The following DPF3 variants were observed in gnomAD, a reference collection of about 807,000 sequenced individuals.
DPF3 encodes zinc finger protein DPF3.
Under a neutral mutation model 56.8 loss-of-function variants are expected in DPF3, and 18 were observed. The observed-to-expected ratio is 0.32, with a 90% confidence interval of 0.22 to 0.47. The LOEUF is 0.47. Among genes scored for constraint, DPF3 ranks in the 20% least tolerant of loss-of-function variants. DPF3 has a pLI of 1.00. For synonymous variants in DPF3, 188 were observed against 180.2 expected (o/e 1.04, Z -0.35); for missense variants, 403 against 488.8 (o/e 0.82, Z 1.65).
At chr14:72,619,428 C>T (rs561638552) in intron 10 of DPF3, 61 bp from the exon 11 acceptor site, 236 of 1,499,672 alleles carry the variant, frequency 1.6e-4, no homozygotes, top group Non-Finnish European at 2.1e-4. Context: ...CCCCACCCCA[C>T]TGGCCCTAAC....
chr14:72,734,683 A>G (rs1337684221), intron 3 of DPF3, among the ~76,000 whole-genome samples: 1 of 152,148 alleles, frequency 6.6e-6, no homozygotes. Context: ...TAATTCAATC[A>G]TCTCATTTTG....
intron 1 of DPF3, among the ~76,000 whole-genome samples, chr14:72,779,880 G>A (rs1891898527): frequency 6.6e-6 from 1 of 152,194 alleles, no homozygotes; most frequent in Non-Finnish European, 1.5e-5. Context: ...TCTGTCCCAG[G>A]ACAGAAGGCC....
At chr14:72,808,652 C>T (rs994974738) in intron 1 of DPF3, among the ~76,000 whole-genome samples, 2 of 152,168 alleles carry the variant, frequency 1.3e-5, no homozygotes, top group African/African-American at 4.8e-5. Flanking sequence ...GAAATCCAGG[C>T]CAACATTTTC....
chr14:72,824,053 G>A (rs1036403338), intron 1 of DPF3, among the ~76,000 whole-genome samples: 6 of 152,166 alleles, frequency 3.9e-5, no homozygotes, highest in Non-Finnish European at 8.8e-5. Flanking sequence ...AGTGTGAGGA[G>A]AGGCAAAGAA....
chr14:72,639,524 T>C (rs1047470799), intron 8 of DPF3, among the ~76,000 whole-genome samples: 1 of 152,208 alleles, frequency 6.6e-6, no homozygotes, highest in Non-Finnish European at 1.5e-5. Context: ...TCTCACTTAC[T>C]TGCTCTAAGG....
Position 72,753,358 on chromosome 14 carries a change from G to GC in DPF3, c.206dup (p.Gln70ProfsTer20). 6.2e-7 allele frequency: 1 copy of GC among 1,611,834 alleles called. No individual in the cohort carries two copies. Among genetic ancestry groups the GC allele is most frequent in the African/African-American group, 1.3e-5 (1 of 75,008 alleles). On this transcript the variant is annotated frameshift_variant, in exon 3 of 11. Coordinates refer to ENST00000556509, the MANE Select transcript of DPF3 (RefSeq NM_001280542.3). LOFTEE classifies it high-confidence loss of function. ...AGCGGGCAGGGTATGTATACAGCTG[G>GC]CCCGGGGCAAGGCCTGTGGACAGAG...
intron 3 of DPF3, among the ~76,000 whole-genome samples, chr14:72,735,513 G>A (rs182002787): frequency 6.6e-6 from 1 of 152,260 alleles, no homozygotes; most frequent in African/African-American, 2.4e-5. Flanking sequence ...AGAACCAAAT[G>A]GGAAAAGTGA....
rs569708854 is a variant in DPF3, at chr14:72,731,672, A to G, written c.429+135T>C. 1.2e-3 allele frequency: 1,553 copies of G among 1,246,370 alleles called. 3 individuals carry two copies. Among genetic ancestry groups the G allele is most frequent in the Non-Finnish European group, 1.6e-3 (1,475 of 906,836 alleles). 77.2% of individuals were successfully genotyped at this position (1,246,370 alleles called of 1,614,324 possible). On this transcript the variant is annotated intron_variant, in intron 4 of 10. Coordinates refer to ENST00000556509, the MANE Select transcript of DPF3 (RefSeq NM_001280542.3). ...AAAAGAATTTGGGAGCTTCCTGGCC[A>G]CCATAGAAACAAGGCAGTCTGAGAC... is the stretch of plus-strand genomic sequence containing the variant.
At chr14:72,661,930 A>T (rs1886234610) in intron 8 of DPF3, 2 of 973,302 alleles carry the variant, frequency 2.1e-6, no homozygotes, top group Non-Finnish European at 2.4e-6. Flanking sequence ...ACTTGAGGGG[A>T]TATATTCCAT....
intron 7 of DPF3, among the ~76,000 whole-genome samples, chr14:72,683,490 C>T (rs1413360176): frequency 2.6e-5 from 4 of 151,770 alleles, no homozygotes; most frequent in Admixed American, 2.6e-4. Context: ...ACAGTCATGT[C>T]ACCCGGAAGT....
At chr14:72,800,132 T>A (rs1457525626) in intron 1 of DPF3, among the ~76,000 whole-genome samples, 1 of 152,144 alleles carries the variant, frequency 6.6e-6, no homozygotes, top group African/African-American at 2.4e-5. Flanking sequence ...AGGGGCCCCA[T>A]CCAAATACCT....
intron 1 of DPF3, among the ~76,000 whole-genome samples, chr14:72,873,515 C>T (rs1275755965): frequency 6.6e-6 from 1 of 152,152 alleles, no homozygotes; most frequent in African/African-American, 2.4e-5. Context: ...GTCAGTGTGG[C>T]GATTCCTCAG....
intron 1 of DPF3, among the ~76,000 whole-genome samples, chr14:72,861,255 G>A (rs1885395112): frequency 6.6e-6 from 1 of 152,038 alleles, no homozygotes; most frequent in Non-Finnish European, 1.5e-5. Context: ...CTATGATTAT[G>A]TAAGCTCTAT....
intron 3 of DPF3, among the ~76,000 whole-genome samples, chr14:72,737,630 C>T (rs1169602704): frequency 1.3e-5 from 2 of 152,206 alleles, no homozygotes; most frequent in African/African-American, 4.8e-5. Context: ...GACAGTTCTT[C>T]TTTGGGGAAA....
chr14:72,712,745 T>C (rs1280281531), intron 6 of DPF3, among the ~76,000 whole-genome samples: 1 of 152,172 alleles, frequency 6.6e-6, no homozygotes, highest in Non-Finnish European at 1.5e-5. Context: ...CATGGGCCTG[T>C]AGTCCTAGCT....
At chr14:72,770,818 G>A (rs960223045) in intron 2 of DPF3, among the ~76,000 whole-genome samples, 4 of 152,178 alleles carry the variant, frequency 2.6e-5, no homozygotes, top group Admixed American at 2.6e-4. Flanking sequence ...CTAATAAAAA[G>A]GTCTTTATTC....
In DPF3 at chr14:72,671,295, G is replaced by A. The variant is rs761407242; in HGVS notation, c.871+2945C>T. On this transcript the variant is annotated intron_variant, in intron 8 of 10. Transcript: ENST00000556509. ...ATAAGTCCTCCGTGGTACGTGCTGCGGCCGCTGCCTCCTTCTCCTTCCTGC... is the reference window on the plus strand; with the variant it reads ...ATAAGTCCTCCGTGGTACGTGCTGCAGCCGCTGCCTCCTTCTCCTTCCTGC... The A allele has an allele frequency of 1.6e-5, 26 of 1,613,812 alleles. No homozygotes were observed. The Admixed American group carries it at 2.0e-4, about 12-fold the overall frequency.
chr14:72,619,807 C>G lies in DPF3; in HGVS notation c.1066+96G>C, dbSNP rs1884311392. The G allele has an allele frequency of 9.6e-6, 11 of 1,146,906 alleles. No individual in the cohort carries two copies. In the East Asian group the frequency reaches 2.7e-4, roughly 28 times the overall value. 71.0% of individuals were successfully genotyped at this position (1,146,906 alleles called of 1,614,324 possible). A position where few individuals can be genotyped will look rare whatever the true frequency, so the allele number is the denominator to read the frequency against. On this transcript the variant is annotated intron_variant, in intron 10 of 10. Transcript: ENST00000556509. ...TGAGACAAGACATGAACATGTAAAC[C>G]CATTAGCATAAGGCCTGTACCATAG...
intron 8 of DPF3, chr14:72,661,775 A>G: frequency 2.0e-6 from 2 of 985,120 alleles, no homozygotes; most frequent in African/African-American, 1.7e-5. Context: ...AGCTCAGCAG[A>G]AGGTTCCCTT....
Sources: gnomAD v4.1 joint callset for allele counts (sites outside exome capture counted in the v4.1 genomes callset) on GRCh38, gnomAD v4.1.1 for gene constraint, MANE v1.5 for transcripts, NCBI Gene and HGNC (gene_info 2026-07-23, HGNC 2026-07-21) for gene names.